Variants in RFX3 observed in about 807,000 individuals in gnomAD.
RFX3 encodes transcription factor RFX3.
A neutral mutation model predicts 98.6 loss-of-function variants in RFX3; 14 were observed. That is an observed-to-expected ratio of 0.14 (90% confidence interval 0.09 to 0.22). The LOEUF is 0.22. Ranked by LOEUF, RFX3 falls within the 10% of genes least tolerant of loss-of-function variation. RFX3 has a pLI of 1.00. For missense variants in RFX3, 639 were observed against 926.9 expected (o/e 0.69, Z 4.03); for synonymous variants, 383 against 328.4 (o/e 1.17, Z -1.80).
intron 1 of RFX3, among the ~76,000 whole-genome samples, chr9:3,514,611 G>C (rs963686978): frequency 3.9e-5 from 6 of 152,064 alleles, no homozygotes; most frequent in Non-Finnish European, 8.8e-5. Flanking sequence ...ACTGCACCCG[G>C]CTAATTTTTT....
At chr9:3,380,483 G>C (rs1405340095) in intron 2 of RFX3, among the ~76,000 whole-genome samples, 1 of 152,166 alleles carries the variant, frequency 6.6e-6, no homozygotes, top group Non-Finnish European at 1.5e-5. Context: ...GCTCATAACA[G>C]ATGCTCAATC....
intron 1 of RFX3, among the ~76,000 whole-genome samples, chr9:3,521,440 TC>T (rs1818701413): frequency 6.6e-6 from 1 of 152,182 alleles, no homozygotes; most frequent in Non-Finnish European, 1.5e-5. Context: ...AAAATTTTTT[TC>T]TTTAAATAAA....
intron 2 of RFX3, among the ~76,000 whole-genome samples, chr9:3,367,194 G>T (rs542526297): frequency 7.9e-5 from 12 of 152,260 alleles, no homozygotes; most frequent in African/African-American, 2.4e-4. Context: ...GTCCTTAAAA[G>T]CGGAGTGCTT....
At chr9:3,366,246 G>C (rs1309626974) in intron 2 of RFX3, among the ~76,000 whole-genome samples, 2 of 152,118 alleles carry the variant, frequency 1.3e-5, no homozygotes, top group Admixed American at 1.3e-4. Context: ...CCCGGATGCA[G>C]TGTCTTTTTA....
At chr9:3,287,927 G>A (rs868232130) in intron 7 of RFX3, among the ~76,000 whole-genome samples, 14 of 151,886 alleles carry the variant, frequency 9.2e-5, no homozygotes, top group Non-Finnish European at 1.8e-4. Flanking sequence ...GGGGCCAAAC[G>A]GCTGACTGAT....
intron 1 of RFX3, among the ~76,000 whole-genome samples, chr9:3,414,689 T>TGA (rs368967582): frequency 1.8e-5 from 2 of 113,354 alleles, no homozygotes; most frequent in East Asian, 2.4e-4. Context: ...TGAGTATATA[T>TGA]GTATATATGA....
rs7031388 is a variant in RFX3 at position 3,225,376 on chromosome 9, G to A, written c.2012-96C>T. Reference sequence around the variant, plus strand: ...GAAACACTTTAATATAGGACATTACGAAAGCAACAGCTTAGCTCTTCTCAG... The same window carrying A: ...GAAACACTTTAATATAGGACATTACAAAAGCAACAGCTTAGCTCTTCTCAG... On this transcript the variant is annotated intron_variant, in intron 16 of 16. Coordinates refer to ENST00000617270, the MANE Select transcript of RFX3 (RefSeq NM_001282116.2). 1,570 of 1,508,276 alleles carry A rather than the reference G, an allele frequency of 1.0e-3. 20 individuals are homozygous for A. The African/African-American group carries it at 0.015, about 14-fold the overall frequency. The allele number at this position is 1,508,276 out of a possible 1,614,324, so 93.4% of individuals were successfully genotyped here.
At chr9:3,269,787 G>A (rs1824133526) in intron 11 of RFX3, among the ~76,000 whole-genome samples, 1 of 152,108 alleles carries the variant, frequency 6.6e-6, no homozygotes, top group African/African-American at 2.4e-5. Context: ...AACCGCATCT[G>A]TAGTTCCTAA....
chr9:3,247,614 T>C (rs928315371), intron 15 of RFX3: 22 of 1,319,852 alleles, frequency 1.7e-5, no homozygotes, highest in Admixed American at 1.4e-4. Flanking sequence ...CCTTCTAAAA[T>C]AGAATCATTT....
chr9:3,259,051 T>G (rs1188775434), intron 13 of RFX3, among the ~76,000 whole-genome samples: 1 of 152,054 alleles, frequency 6.6e-6, no homozygotes, highest in South Asian at 2.1e-4. Flanking sequence ...CTGAATGAAT[T>G]TGTTTTATTG....
intron 1 of RFX3, among the ~76,000 whole-genome samples, chr9:3,446,567 G>C (rs1438493366): frequency 6.6e-6 from 1 of 151,378 alleles, no homozygotes; most frequent in Non-Finnish European, 1.5e-5. Context: ...ATGTAACCTT[G>C]TTTAGTGCAC....
chr9:3,506,038 T>C (rs1027500762), intron 1 of RFX3, among the ~76,000 whole-genome samples: 1 of 151,804 alleles, frequency 6.6e-6, no homozygotes, highest in Non-Finnish European at 1.5e-5. Flanking sequence ...GAAATGAGCA[T>C]GTATATTAAA....
rs868801315 is a variant in RFX3, at chr9:3,403,949, A to T, written c.-8-8353T>A. ...TCTAGATTATCTTGCCTACACAAGA[A>T]TTTTTTTCTCTCATCTCTTTTTCTT... On this transcript the variant is annotated intron_variant, in intron 1 of 16. Transcript: ENST00000617270. Among the ~76,000 whole-genome samples, 16 of 152,142 alleles carry T rather than the reference A, an allele frequency of 1.1e-4. No homozygotes were observed. The East Asian group carries it at 1.2e-3, about 11-fold the overall frequency.
At chr9:3,258,296 AT>A (rs1228179591) in intron 13 of RFX3, among the ~76,000 whole-genome samples, 1 of 152,110 alleles carries the variant, frequency 6.6e-6, no homozygotes, top group Non-Finnish European at 1.5e-5. Flanking sequence ...ATACATATGT[AT>A]TTTTCTCAAA....
intron 1 of RFX3, among the ~76,000 whole-genome samples, chr9:3,521,639 A>G (rs1259412159): frequency 2.0e-5 from 3 of 152,234 alleles, no homozygotes; most frequent in African/African-American, 7.2e-5. Context: ...ATTTTTGAAC[A>G]TTAATACTTA....
intron 1 of RFX3, among the ~76,000 whole-genome samples, chr9:3,435,899 A>T (rs1845084219): frequency 6.6e-6 from 1 of 151,702 alleles, no homozygotes; most frequent in Admixed American, 6.6e-5. Context: ...TCTCTCAACA[A>T]TAACTAATTA....
intron 4 of RFX3, among the ~76,000 whole-genome samples, chr9:3,311,216 T>A (rs1829916986): frequency 6.6e-6 from 1 of 152,262 alleles, no homozygotes; most frequent in Non-Finnish European, 1.5e-5. Context: ...AATTTCTTTC[T>A]GGGTAATTTC....
intron 1 of RFX3, among the ~76,000 whole-genome samples, chr9:3,510,644 T>C (rs1290983079): frequency 6.6e-6 from 1 of 152,082 alleles, no homozygotes; most frequent in Non-Finnish European, 1.5e-5. Context: ...ACAAGGTATC[T>C]AAAAGCACAG....
chr9:3,298,478 T>G (rs1376932337), intron 5 of RFX3, among the ~76,000 whole-genome samples: 1 of 151,894 alleles, frequency 6.6e-6, no homozygotes, highest in African/African-American at 2.4e-5. Flanking sequence ...TTTCTTTTTA[T>G]TCATTCAGCA....
Sources: allele counts gnomAD v4.1 joint callset (sites outside exome capture counted in the v4.1 genomes callset), GRCh38; gene constraint gnomAD v4.1.1; transcripts MANE v1.5; gene names NCBI Gene and HGNC (gene_info 2026-07-23, HGNC 2026-07-21).